The following ZNF330 variants were observed in gnomAD, a reference collection of about 807,000 sequenced individuals.
ZNF330 encodes nucleolar atypical zinc finger.
Under a neutral mutation model 45.5 loss-of-function variants are expected in ZNF330, and 31 were observed. That is an observed-to-expected ratio of 0.68 (90% CI 0.51 to 0.92). ZNF330 has a LOEUF of 0.92. Ranked by LOEUF, ZNF330 falls within the 40% of genes least tolerant of loss-of-function variation. ZNF330 has a pLI of 0.00. For synonymous variants in ZNF330, 138 were observed against 123.2 expected (o/e 1.12, Z -0.79); for missense variants, 356 against 387.4 (o/e 0.92, Z 0.68).
chr4:141,222,790 G>T, intron 2 of ZNF330: 4 of 180,962 alleles, frequency 2.2e-5, no homozygotes, highest in East Asian at 1.4e-4. Context: ...AGTCTTATTG[G>T]GTTTTCATCA....
intron 6 of ZNF330, 70 bp from the exon 7 acceptor site, chr4:141,230,096 G>A (rs773538823): frequency 4.7e-5 from 52 of 1,095,266 alleles, no homozygotes; most frequent in Non-Finnish European, 6.4e-5. Flanking sequence ...CTTCTAAGCA[G>A]TATTATAGAT....
chr4:141,230,922 T>C (rs1353400275), intron 7 of ZNF330, among the ~76,000 whole-genome samples: 1 of 152,072 alleles, frequency 6.6e-6, no homozygotes, highest in Non-Finnish European at 1.5e-5. Flanking sequence ...TATAAAACAA[T>C]AGCATGTGGT....
At chr4:141,231,118 A>G (rs993854091) in intron 7 of ZNF330, among the ~76,000 whole-genome samples, 2 of 152,140 alleles carry the variant, frequency 1.3e-5, no homozygotes, top group Non-Finnish European at 2.9e-5. Context: ...TACATACTAC[A>G]CACACATAGA....
chr4:141,221,027 C>A lies in ZNF330; in HGVS notation c.-88C>A, dbSNP rs773408620. On this transcript the variant is annotated 5_prime_UTR_variant, in exon 1 of 10. Transcript: ENST00000262990. ...TTACTGCTGTCGCGGGTGGGCCTCACGCCATTCCCTGTCCCTCGGCCCCCT... is the reference window on the plus strand; with the variant it reads ...TTACTGCTGTCGCGGGTGGGCCTCAAGCCATTCCCTGTCCCTCGGCCCCCT... 1 of 152,342 alleles carries A rather than the reference C, an allele frequency of 6.6e-6. No homozygotes were observed. The highest frequency in any genetic ancestry group is 1.5e-5 in the Non-Finnish European group (1 of 68,136). The allele number at this position is 152,342 out of a possible 1,614,324, so 9.4% of individuals were successfully genotyped here.
intron 4 of ZNF330, among the ~76,000 whole-genome samples, chr4:141,224,929 TA>T (rs1728766923): frequency 6.6e-6 from 1 of 152,182 alleles, no homozygotes; most frequent in South Asian, 2.1e-4. Flanking sequence ...TAAGTGTTTT[TA>T]AACAGTGAAA....
intron 4 of ZNF330, among the ~76,000 whole-genome samples, chr4:141,225,140 T>C (rs576127088): frequency 1.3e-5 from 2 of 152,222 alleles, no homozygotes; most frequent in South Asian, 4.1e-4. Flanking sequence ...GTTTGATGCT[T>C]ACCATATGAT....
intron 1 of ZNF330, among the ~76,000 whole-genome samples, chr4:141,221,826 A>G (rs1470151411): frequency 6.6e-6 from 1 of 152,174 alleles, no homozygotes; most frequent in Non-Finnish European, 1.5e-5. Flanking sequence ...ATATCTTCAG[A>G]ATGTTTTGAC....
chr4:141,223,700 A>T (rs967981571), intron 2 of ZNF330: 3 of 454,634 alleles, frequency 6.6e-6, no homozygotes, highest in Non-Finnish European at 1.3e-5. Flanking sequence ...AATGACTGGC[A>T]TGCCTAAATA....
intron 9 of ZNF330, 21 bp from the exon 10 acceptor site, chr4:141,233,694 G>A: frequency 6.2e-7 from 1 of 1,604,038 alleles, no homozygotes; most frequent in South Asian, 1.1e-5. Flanking sequence ...AAAATGCCTT[G>A]TACTTGTCTG....
At chr4:141,228,198 A>G (rs569486538) in intron 5 of ZNF330, among the ~76,000 whole-genome samples, 5 of 152,112 alleles carry the variant, frequency 3.3e-5, no homozygotes, top group African/African-American at 1.2e-4. Context: ...TAAGTATAGG[A>G]TTGTCAAGTT....
At chr4:141,224,444 T>C (rs1361653144) in intron 2 of ZNF330, 43 bp from the exon 3 acceptor site, 3 of 1,586,244 alleles carry the variant, frequency 1.9e-6, no homozygotes, top group Non-Finnish European at 2.6e-6. Context: ...TTTGCAGTTT[T>C]CAGTCAGCAG....
Position 141,224,526 on chromosome 4 carries a change from C to T in ZNF330, c.140+20C>T, listed in dbSNP as rs763445039. On this transcript the variant is annotated intron_variant, in intron 3 of 9. Coordinates refer to ENST00000262990, the MANE Select transcript of ZNF330 (RefSeq NM_014487.6). ...TCAGAGGTAAATTTTATTTCTTTTT[C>T]TATCTACCTTTAATAAAATTGTCCC... 1.9e-6 allele frequency: 3 copies of T among 1,604,624 alleles called. No homozygotes were observed. The highest frequency in any genetic ancestry group is 1.7e-4 in the Middle Eastern group (1 of 6,006).
intron 8 of ZNF330, among the ~76,000 whole-genome samples, chr4:141,231,760 G>T (rs564689694): frequency 2.0e-5 from 3 of 152,166 alleles, no homozygotes; most frequent in Admixed American, 6.6e-5. Context: ...TGACCAAGAT[G>T]ATGAGAGTCT....
chr4:141,228,818 C>A (rs78951939), intron 5 of ZNF330, among the ~76,000 whole-genome samples: 4 of 151,862 alleles, frequency 2.6e-5, no homozygotes, highest in African/African-American at 9.7e-5. Flanking sequence ...TAATCCAACT[C>A]GGGACTTGGA....
intron 4 of ZNF330, among the ~76,000 whole-genome samples, chr4:141,226,113 G>A (rs140571587): frequency 4.8e-4 from 73 of 152,202 alleles, no homozygotes; most frequent in African/African-American, 1.7e-3. Flanking sequence ...AGTGTTTTGA[G>A]TTGGTAATTT....
chr4:141,224,001 A>G, intron 2 of ZNF330: 1 of 299,060 alleles, frequency 3.3e-6, no homozygotes, highest in Non-Finnish European at 6.6e-6. Flanking sequence ...TAGGGGCCAG[A>G]TTGTGGAGAG....
chr4:141,232,209 A>C (rs1010828474), intron 8 of ZNF330, among the ~76,000 whole-genome samples: 4 of 152,022 alleles, frequency 2.6e-5, no homozygotes, highest in African/African-American at 9.7e-5. Context: ...TAGACCATAC[A>C]CTGTGTGAGA....
At chr4:141,224,567 G>A in intron 3 of ZNF330, 40 bp from the exon 4 acceptor site, 1 of 1,609,376 alleles carries the variant, frequency 6.2e-7, no homozygotes, top group South Asian at 1.1e-5. Context: ...CTTTTTATCT[G>A]ACATTGACCA....
chr4:141,232,504 T>C (rs779957994), intron 8 of ZNF330, 21 bp from the exon 9 acceptor site: 1 of 1,317,286 alleles, frequency 7.6e-7, no homozygotes, highest in Admixed American at 2.6e-5. Flanking sequence ...TTATTTACTT[T>C]ATTTTGCTTC....
Sources: gnomAD v4.1 joint callset for allele counts (sites outside exome capture counted in the v4.1 genomes callset) on GRCh38, gnomAD v4.1.1 for gene constraint, MANE v1.5 for transcripts, NCBI Gene and HGNC (gene_info 2026-07-23, HGNC 2026-07-21) for gene names.